RUNX2: variants seen among roughly 807,000 people sequenced by gnomAD.
RUNX2 encodes the protein runt-related transcription factor 2.
RUNX2 carries 10 observed loss-of-function variants against 51.7 expected under a neutral mutation model. The ratio of observed to expected loss-of-function variants is 0.19; its 90% CI spans 0.12 to 0.33. The LOEUF is 0.33. Among genes scored for constraint, RUNX2 ranks in the 10% least tolerant of loss-of-function variants. The pLI is 1.00. For missense variants in RUNX2, 562 were observed against 691.3 expected, an observed-to-expected ratio of 0.81 and a Z score of 2.10; for synonymous variants, 276 against 273.6, an observed-to-expected ratio of 1.01 and a Z score of -0.09.
intron 5 of RUNX2, among the ~76,000 whole-genome samples, chr6:45,471,476 G>T (rs1245220342): frequency 2.8e-5 from 4 of 145,352 alleles, no homozygotes; most frequent in Non-Finnish European, 4.5e-5. Context: ...ATGGAGTCTC[G>T]CTGTGTCGCC....
intron 3 of RUNX2, among the ~76,000 whole-genome samples, chr6:45,428,713 A>G (rs1264934634): frequency 2.0e-5 from 3 of 152,134 alleles, no homozygotes; most frequent in Non-Finnish European, 2.9e-5. Context: ...CTTTTCTTTC[A>G]TATTTTCCCA....
intron 2 of RUNX2, among the ~76,000 whole-genome samples, chr6:45,378,452 G>C (rs988738798): frequency 1.2e-4 from 18 of 152,198 alleles, no homozygotes; most frequent in African/African-American, 4.3e-4. Context: ...TCCCCGCAGG[G>C]CCGCAGTACA....
At chr6:45,435,753 G>T (rs1188198298) in intron 4 of RUNX2, among the ~76,000 whole-genome samples, 1 of 152,218 alleles carries the variant, frequency 6.6e-6, no homozygotes, top group Non-Finnish European at 1.5e-5. Context: ...GATGAAAACT[G>T]ACTCTGAAAC....
intron 2 of RUNX2, among the ~76,000 whole-genome samples, chr6:45,332,461 A>C (rs1454700677): frequency 6.6e-6 from 1 of 151,844 alleles, no homozygotes; most frequent in Non-Finnish European, 1.5e-5. Flanking sequence ...TGCATACTTG[A>C]AAATTGACGG....
At chr6:45,417,980 A>G (rs1201061424) in intron 2 of RUNX2, among the ~76,000 whole-genome samples, 1 of 152,186 alleles carries the variant, frequency 6.6e-6, no homozygotes, top group African/African-American at 2.4e-5. Flanking sequence ...GGGCTGAGTA[A>G]CCTTCTGTCA....
intron 2 of RUNX2, among the ~76,000 whole-genome samples, chr6:45,353,347 A>G (rs1324212236): frequency 6.6e-6 from 1 of 152,104 alleles, no homozygotes; most frequent in African/African-American, 2.4e-5. Context: ...AAATATTTTA[A>G]AAAGAAAAGT....
intron 2 of RUNX2, among the ~76,000 whole-genome samples, chr6:45,395,669 A>G (rs1212867837): frequency 6.6e-6 from 1 of 152,172 alleles, no homozygotes; most frequent in African/African-American, 2.4e-5. Flanking sequence ...TATTTAACCC[A>G]AGACTTTTTT....
intron 5 of RUNX2, among the ~76,000 whole-genome samples, chr6:45,486,348 C>T (rs780285142): frequency 6.6e-6 from 1 of 152,180 alleles, no homozygotes; most frequent in Non-Finnish European, 1.5e-5. Context: ...CTCACAATAC[C>T]TAGTGAGGCT....
At chr6:45,404,295 A>G (rs1369879839) in intron 2 of RUNX2, among the ~76,000 whole-genome samples, 2 of 137,062 alleles carry the variant, frequency 1.5e-5, no homozygotes, top group African/African-American at 5.5e-5. Flanking sequence ...AAAGAAAAAA[A>G]AAAGGAAAAA....
At chr6:45,541,537 A>G (rs1008423388) in intron 7 of RUNX2, among the ~76,000 whole-genome samples, 1 of 152,168 alleles carries the variant, frequency 6.6e-6, no homozygotes, top group African/African-American at 2.4e-5. Context: ...TTTATTTGAG[A>G]TTTGTTGAAG....
At chr6:45,422,328 C>CG in intron 2 of RUNX2, 1 of 453,774 alleles carries the variant, frequency 2.2e-6, no homozygotes, top group Non-Finnish European at 3.9e-6. Flanking sequence ...CCAAAGACTC[C>CG]GGCAAAGATC....
At position 45,535,310 on chromosome 6, in the gene RUNX2, A is replaced by T. The variant is rs1473505363; in HGVS notation, c.1022-9907A>T. On this transcript the variant is annotated intron_variant, in intron 7 of 8. Coordinates refer to ENST00000647337, the MANE Select transcript of RUNX2 (RefSeq NM_001024630.4). ...GTTGCTTCCCCAGCACACTTATAAGAAAGATACAAATGGGCCGGGGGCAGT... is the reference window on the plus strand; with the variant it reads ...GTTGCTTCCCCAGCACACTTATAAGTAAGATACAAATGGGCCGGGGGCAGT... Among the ~76,000 whole-genome samples, 9 of 152,132 alleles carry T rather than the reference A, an allele frequency of 5.9e-5. No individual in the cohort carries two copies. The East Asian group carries it at 1.7e-3, about 29-fold the overall frequency.
chr6:45,512,111 T>C, intron 6 of RUNX2, 135 bp from the exon 7 acceptor site: 1 of 721,008 alleles, frequency 1.4e-6, no homozygotes, highest in South Asian at 1.8e-5. Flanking sequence ...AGCCATTCCT[T>C]ATATATTATA....
At chr6:45,347,193 C>T (rs952827853) in intron 2 of RUNX2, among the ~76,000 whole-genome samples, 3 of 152,074 alleles carry the variant, frequency 2.0e-5, no homozygotes, top group African/African-American at 7.2e-5. Flanking sequence ...ATCTGGCTAA[C>T]ATCTAAATTT....
At chr6:45,406,117 C>G (rs1226392998) in intron 2 of RUNX2, among the ~76,000 whole-genome samples, 3 of 152,134 alleles carry the variant, frequency 2.0e-5, no homozygotes, top group Non-Finnish European at 4.4e-5. Flanking sequence ...GCTCTGTAAA[C>G]ATTTTGAGGA....
chr6:45,444,285 A>G (rs1205982850), intron 5 of RUNX2, among the ~76,000 whole-genome samples: 2 of 152,212 alleles, frequency 1.3e-5, no homozygotes, highest in Non-Finnish European at 2.9e-5. Flanking sequence ...TAGGTAAACC[A>G]TATTTACTCT....
Position 45,401,311 on chromosome 6 carries a change from T to G in RUNX2, c.59-21282T>G, listed in dbSNP as rs1797709113. On this transcript the variant is annotated intron_variant, in intron 2 of 8. Coordinates refer to ENST00000647337, the MANE Select transcript of RUNX2 (RefSeq NM_001024630.4). ...ATCTCCTCCTAAACAAAGACTTCCTTAAGAATTCTTTAAGAACAATAACAT... is the reference window on the plus strand; with the variant it reads ...ATCTCCTCCTAAACAAAGACTTCCTGAAGAATTCTTTAAGAACAATAACAT... Among the ~76,000 whole-genome samples, 2 of 152,222 alleles carry G rather than the reference T, an allele frequency of 1.3e-5. 1 individual carries two copies.
At chr6:45,374,716 T>C (rs547669399) in intron 2 of RUNX2, among the ~76,000 whole-genome samples, 2 of 152,260 alleles carry the variant, frequency 1.3e-5, no homozygotes, top group Admixed American at 6.5e-5. Context: ...TTGACTGACA[T>C]AGACTACCAT....
At chr6:45,358,148 A>T (rs1793577208) in intron 2 of RUNX2, among the ~76,000 whole-genome samples, 1 of 150,678 alleles carries the variant, frequency 6.6e-6, no homozygotes, top group African/African-American at 2.5e-5. Context: ...AACAGGTTAT[A>T]ACATGTAAAA....
Sources: gnomAD v4.1 joint callset for allele counts (sites outside exome capture counted in the v4.1 genomes callset) on GRCh38, gnomAD v4.1.1 for gene constraint, MANE v1.5 for transcripts, NCBI Gene and HGNC (gene_info 2026-07-23, HGNC 2026-07-21) for gene names.